The following PALM2AKAP2 variants were observed in gnomAD, a reference collection of about 807,000 sequenced individuals.
The protein encoded by PALM2AKAP2 is PALM2 and AKAP2 fusion.
A neutral mutation model predicts 71.5 loss-of-function variants in PALM2AKAP2; 37 were observed. That is an observed-to-expected ratio of 0.52 (90% CI 0.40 to 0.68). The LOEUF is 0.68. Ranked by LOEUF, PALM2AKAP2 falls within the 30% of genes least tolerant of loss-of-function variation. The pLI, the probability that PALM2AKAP2 is intolerant of heterozygous loss-of-function variation, is 0.00. For missense variants in PALM2AKAP2, 1,224 were observed against 1,191.8 expected, an observed-to-expected ratio of 1.03 and a Z score of -0.40; for synonymous variants, 468 against 478.8, an observed-to-expected ratio of 0.98 and a Z score of 0.29.
chr9:109,649,443 G>A lies in PALM2AKAP2; in HGVS notation c.5+8577G>A, dbSNP rs115217292. Among the ~76,000 whole-genome samples, 381 of 152,146 alleles carry A rather than the reference G, an allele frequency of 2.5e-3. 2 individuals carry two copies. Among genetic ancestry groups the A allele is most frequent in the African/African-American group, 8.6e-3 (357 of 41,534 alleles). ...TCTAAGTAGGGCTCACTTCTGAAAT[G>A]GTTTTATGGTTATCTTCAATTTATT... On this transcript the variant is annotated intron_variant, in intron 1 of 6. Transcript: ENST00000374531.
intron 1 of PALM2AKAP2, among the ~76,000 whole-genome samples, chr9:110,091,740 G>A (rs1420478885): frequency 6.6e-6 from 1 of 152,076 alleles, no homozygotes; most frequent in African/African-American, 2.4e-5. Context: ...GGGATTACAG[G>A]TGTGAGCCAC....
At position 109,908,643 on chromosome 9, in the gene PALM2AKAP2, A is replaced by AT. The variant is rs535016755; in HGVS notation, c.258-15084dup. ...ATTTTACCCCTGTTGTTTGACGTTA[A>AT]TTTTTTTTCAATGAATGACTCATTG... On this transcript the variant is annotated intron_variant, in intron 3 of 9. Coordinates refer to the PALM2AKAP2 transcript ENST00000302798. Among the ~76,000 whole-genome samples, 301 of 152,182 alleles carry AT rather than the reference A, an allele frequency of 2.0e-3. 2 individuals are homozygous for AT. The highest frequency in any genetic ancestry group is 8.9e-3 in the South Asian group (43 of 4,822).
intron 3 of PALM2AKAP2, among the ~76,000 whole-genome samples, chr9:109,915,420 G>A (rs1376015852): frequency 6.6e-6 from 1 of 152,182 alleles, no homozygotes; most frequent in Admixed American, 6.5e-5. Context: ...ATATTGTGTT[G>A]CAATGTGCAT....
At chr9:110,149,288 C>T (rs955377528) in intron 2 of PALM2AKAP2, among the ~76,000 whole-genome samples, 3 of 152,240 alleles carry the variant, frequency 2.0e-5, no homozygotes, top group Admixed American at 6.5e-5. Context: ...ACCACCATTG[C>T]AGAGATGAAC....
chr9:109,795,588 G>C (rs1827230626), intron 1 of PALM2AKAP2, among the ~76,000 whole-genome samples: 4 of 152,194 alleles, frequency 2.6e-5, no homozygotes, highest in Admixed American at 2.6e-4. Context: ...GTGCCGCCGT[G>C]GGAAGATCTT....
chr9:109,841,372 G>T (rs1217594601), intron 1 of PALM2AKAP2, among the ~76,000 whole-genome samples: 1 of 148,430 alleles, frequency 6.7e-6, no homozygotes, highest in African/African-American at 2.5e-5. Context: ...GTTGTGGGGT[G>T]GGGGTAGGGG....
chr9:109,662,847 C>T (rs1564105104), intron 1 of PALM2AKAP2, among the ~76,000 whole-genome samples: 1 of 152,020 alleles, frequency 6.6e-6, no homozygotes, highest in Non-Finnish European at 1.5e-5. Context: ...AATTTCAGAG[C>T]CTGTTATTGG....
At chr9:109,758,749 C>T (rs372563174) in intron 1 of PALM2AKAP2, among the ~76,000 whole-genome samples, 1 of 152,032 alleles carries the variant, frequency 6.6e-6, no homozygotes, top group African/African-American at 2.4e-5. Flanking sequence ...CATGTATTCT[C>T]ATTTAAAGAT....
At chr9:109,674,407 C>T (rs4602971) in intron 1 of PALM2AKAP2, among the ~76,000 whole-genome samples, 13,609 of 151,788 alleles carry the variant, frequency 0.09, 738 homozygotes, top group South Asian at 0.19. Context: ...AATTATATGC[C>T]GTACATTAAA....
At position 110,138,219 on chromosome 9, in the gene PALM2AKAP2, C is replaced by G. The variant is rs111629628; in HGVS notation, c.2249C>G (p.Pro750Arg). ...GAAAGGGGGCCCCCCCAGCCACTGC[C>G]AGCTGTGCAGCCCAGTGGCCCGATT... is the stretch of plus-strand genomic sequence containing the variant. The change falls in exon 2 of 4, where the codon CCA becomes CGA. Residue 750 changes from proline to arginine, a missense_variant. Physicochemically the swap from Pro to Arg is moderately radical, Grantham distance 103 (BLOSUM62 -2). Transcript: ENST00000374525. 3.1e-6 allele frequency: 5 copies of G among 1,614,098 alleles called. No homozygotes were observed. The African/African-American group carries it at 4.0e-5, about 13-fold the overall frequency.
Position 109,976,465 on chromosome 9 carries a change from G to T in PALM2AKAP2, c.497-39489G>T, listed in dbSNP as rs554247832. On this transcript the variant is annotated intron_variant, in intron 6 of 9. Transcript: ENST00000302798. ...GAGATGGATGCCTGGAGAAAGGAAG[G>T]ATTACTCAGCTCTGAGAGGTCATCA... is the stretch of plus-strand genomic sequence containing the variant. Among the ~76,000 whole-genome samples, 5 of 152,348 alleles carry T rather than the reference G, an allele frequency of 3.3e-5. No homozygotes were observed. In the South Asian group the frequency reaches 1.0e-3, roughly 32 times the overall value.
At chr9:109,739,575 A>G (rs544253308) in intron 1 of PALM2AKAP2, among the ~76,000 whole-genome samples, 3 of 152,286 alleles carry the variant, frequency 2.0e-5, no homozygotes, top group African/African-American at 7.2e-5. Context: ...AGGATTTTCA[A>G]TGATTATTTC....
intron 1 of PALM2AKAP2, among the ~76,000 whole-genome samples, chr9:110,066,038 A>G (rs1205023542): frequency 6.6e-6 from 1 of 152,246 alleles, no homozygotes; most frequent in Non-Finnish European, 1.5e-5. Flanking sequence ...CCAGGCATCA[A>G]AAGAGTTCCC....
intron 2 of PALM2AKAP2, among the ~76,000 whole-genome samples, chr9:109,874,860 C>CT (rs1270436629): frequency 6.6e-6 from 1 of 152,216 alleles, no homozygotes; most frequent in Non-Finnish European, 1.5e-5. Context: ...TTACAAGTCA[C>CT]ACTGATTCTA....
chr9:109,900,771 T>TA (rs1830309694), intron 3 of PALM2AKAP2, among the ~76,000 whole-genome samples: 1 of 152,224 alleles, frequency 6.6e-6, no homozygotes, highest in Admixed American at 6.5e-5. Flanking sequence ...TCTATTGTAC[T>TA]TGAGTCCCAT....
intron 1 of PALM2AKAP2, among the ~76,000 whole-genome samples, chr9:109,678,518 G>A (rs1008259453): frequency 6.6e-6 from 1 of 152,192 alleles, no homozygotes; most frequent in Admixed American, 6.5e-5. Flanking sequence ...TTCAAGGTGA[G>A]CGAAGCAAAG....
At chr9:109,755,771 T>C (rs1435771260) in intron 1 of PALM2AKAP2, among the ~76,000 whole-genome samples, 1 of 151,996 alleles carries the variant, frequency 6.6e-6, no homozygotes, top group East Asian at 1.9e-4. Context: ...ACATTAAATA[T>C]TTATTTATTT....
intron 1 of PALM2AKAP2, among the ~76,000 whole-genome samples, chr9:110,052,543 G>A (rs260221): frequency 6.6e-6 from 1 of 152,108 alleles, no homozygotes; most frequent in African/African-American, 2.4e-5. Context: ...TCTACCATTT[G>A]GCTCAGAGAG....
intron 2 of PALM2AKAP2, among the ~76,000 whole-genome samples, chr9:110,143,794 T>C (rs532482665): frequency 3.3e-5 from 5 of 152,322 alleles, no homozygotes; most frequent in African/African-American, 1.2e-4. Flanking sequence ...ACCTACATTA[T>C]GGAGAGTGGC....
Sources: allele counts gnomAD v4.1 joint callset (sites outside exome capture counted in the v4.1 genomes callset), GRCh38; gene constraint gnomAD v4.1.1; transcripts MANE v1.5; gene names NCBI Gene and HGNC (gene_info 2026-07-23, HGNC 2026-07-21).